RBFOX1: variants seen among roughly 807,000 people sequenced by gnomAD.
RBFOX1 encodes RNA binding fox-1 homolog 1, also known as RNA binding protein fox-1 homolog 1.
RBFOX1 carries 8 observed loss-of-function variants against 57.7 expected under a neutral mutation model. The observed-to-expected ratio is 0.14, with a 90% CI of 0.08 to 0.25. RBFOX1 has a LOEUF of 0.25. RBFOX1 is among the 10% of genes least tolerant of loss of function. The pLI is 1.00. For missense variants in RBFOX1, 611 were observed against 548.5 expected, an observed-to-expected ratio of 1.11 and a Z score of -1.14; for synonymous variants, 326 against 222.4, an observed-to-expected ratio of 1.47 and a Z score of -4.15.
chr16:6,902,830 T>A (rs918098259), intron 3 of RBFOX1, among the ~76,000 whole-genome samples: 1 of 152,206 alleles, frequency 6.6e-6, no homozygotes, highest in African/African-American at 2.4e-5. Context: ...GATTGTACAC[T>A]GTTTTCCATC....
intron 4 of RBFOX1, among the ~76,000 whole-genome samples, chr16:7,212,197 G>A (rs941572330): frequency 6.6e-6 from 1 of 152,182 alleles, no homozygotes; most frequent in Non-Finnish European, 1.5e-5. Context: ...GAGTGACATA[G>A]GTCTTTTAGG....
chr16:6,869,182 G>A (rs7187960), intron 3 of RBFOX1, among the ~76,000 whole-genome samples: 1 of 152,084 alleles, frequency 6.6e-6, no homozygotes, highest in Non-Finnish European at 1.5e-5. Flanking sequence ...TGCTTTGCAC[G>A]CTCATCTCTT....
intron 2 of RBFOX1, among the ~76,000 whole-genome samples, chr16:6,643,174 G>A (rs542840501): frequency 3.3e-5 from 5 of 152,314 alleles, no homozygotes; most frequent in South Asian, 2.1e-4. Context: ...TGAAGGCACA[G>A]AAAGATTGAG....
At chr16:7,547,417 T>C (rs1188451172) in intron 5 of RBFOX1, among the ~76,000 whole-genome samples, 1 of 152,164 alleles carries the variant, frequency 6.6e-6, no homozygotes, top group Non-Finnish European at 1.5e-5. Context: ...TGCCTTCTGT[T>C]ATATGCCAAA....
At chr16:5,942,002 A>T (rs1261302096) in intron 4 of RBFOX1, among the ~76,000 whole-genome samples, 4 of 151,736 alleles carry the variant, frequency 2.6e-5, no homozygotes, top group Admixed American at 6.6e-5. Context: ...ACCTGAGTGG[A>T]GGAATAACAG....
At chr16:6,165,780 A>G (rs2096912680) in intron 1 of RBFOX1, among the ~76,000 whole-genome samples, 1 of 152,106 alleles carries the variant, frequency 6.6e-6, no homozygotes, top group East Asian at 1.9e-4. Context: ...AACAATTGCT[A>G]AGGGTTATTT....
intron 3 of RBFOX1, among the ~76,000 whole-genome samples, chr16:6,902,084 A>T (rs550356973): frequency 6.6e-6 from 1 of 152,180 alleles, no homozygotes; most frequent in African/African-American, 2.4e-5. Context: ...ATGTCGGCAT[A>T]TATTTGTCTA....
chr16:6,539,431 T>C (rs1180867001), intron 2 of RBFOX1, among the ~76,000 whole-genome samples: 5 of 152,176 alleles, frequency 3.3e-5, no homozygotes, highest in African/African-American at 1.2e-4. Flanking sequence ...TGTATTATTA[T>C]CATGGTTACT....
chr16:6,871,045 G>A (rs574865422), intron 3 of RBFOX1, among the ~76,000 whole-genome samples: 2 of 152,334 alleles, frequency 1.3e-5, no homozygotes, highest in Non-Finnish European at 2.9e-5. Flanking sequence ...AGTCATAAAT[G>A]CGTATAAAGT....
chr16:5,603,597 A>G (rs927636445), downstream of RBFOX1, among the ~76,000 whole-genome samples: 1 of 152,212 alleles, frequency 6.6e-6, no homozygotes, highest in Non-Finnish European at 1.5e-5. Flanking sequence ...TTGGAGACCA[A>G]TCTTTCTGCC....
Position 5,298,429 on chromosome 16 carries a change from C to A in RBFOX1, c.219+58324C>A, listed in dbSNP as rs186083057. Among the ~76,000 whole-genome samples the A allele has an allele frequency of 9.4e-3, 1,201 of 127,330 alleles. 18 individuals are homozygous for A. Among genetic ancestry groups the A allele is most frequent in the African/African-American group, 0.036 (1,144 of 31,994 alleles). 83.5% of individuals were successfully genotyped at this position (127,330 alleles called of 152,430 possible). A position where few individuals can be genotyped will look rare whatever the true frequency, so the allele number is the denominator to read the frequency against. On this transcript the variant is annotated intron_variant, in intron 1 of 2. Transcript: ENST00000585867. Reference sequence around the variant, plus strand: ...AGCGCTCCAAAATAAACATCTCTCTCCCCTTCCCTCCCCTCCCCTCCCCTC... The same window carrying A: ...AGCGCTCCAAAATAAACATCTCTCTACCCTTCCCTCCCCTCCCCTCCCCTC...
intron 4 of RBFOX1, among the ~76,000 whole-genome samples, chr16:7,300,435 G>A (rs980406202): frequency 3.3e-5 from 5 of 152,188 alleles, no homozygotes; most frequent in African/African-American, 9.7e-5. Flanking sequence ...CTTTAATGAA[G>A]ATGGAGACTA....
At chr16:7,528,908 G>A (rs2079309480) in intron 5 of RBFOX1, among the ~76,000 whole-genome samples, 1 of 152,170 alleles carries the variant, frequency 6.6e-6, no homozygotes, top group Non-Finnish European at 1.5e-5. Context: ...GAGCCAAAGA[G>A]TTCATCTACG....
At chr16:7,141,673 C>G (rs778441162) in intron 4 of RBFOX1, among the ~76,000 whole-genome samples, 45 of 152,274 alleles carry the variant, frequency 3.0e-4, no homozygotes, top group Non-Finnish European at 4.4e-4. Flanking sequence ...TTAGTGTTTA[C>G]AAGGGATGAG....
At chr16:6,185,008 G>A (rs1240599186) in intron 1 of RBFOX1, among the ~76,000 whole-genome samples, 1 of 152,206 alleles carries the variant, frequency 6.6e-6, no homozygotes. Context: ...AATTCGGCAT[G>A]AGGTGCCCAT....
chr16:6,086,422 A>C (rs1246046251), intron 1 of RBFOX1, among the ~76,000 whole-genome samples: 1 of 152,154 alleles, frequency 6.6e-6, no homozygotes, highest in Non-Finnish European at 1.5e-5. Context: ...TCAGTTCTGC[A>C]GAGCAGTCGG....
At chr16:7,589,468 A>C (rs1323278116) in intron 7 of RBFOX1, among the ~76,000 whole-genome samples, 1 of 151,934 alleles carries the variant, frequency 6.6e-6, no homozygotes, top group Non-Finnish European at 1.5e-5. Context: ...AGTTTGCTGC[A>C]TCCAGAGCCT....
At chr16:6,960,817 G>A (rs2082809153) in intron 3 of RBFOX1, among the ~76,000 whole-genome samples, 1 of 151,870 alleles carries the variant, frequency 6.6e-6, no homozygotes. Flanking sequence ...TTGGGTACCT[G>A]ACCCAAACAA....
chr16:7,397,912 T>G (rs1464056744), intron 4 of RBFOX1, among the ~76,000 whole-genome samples: 1 of 152,162 alleles, frequency 6.6e-6, no homozygotes. Context: ...ACCTGATTTT[T>G]TAGGCCCTAC....
Sources: gnomAD v4.1 joint callset for allele counts (sites outside exome capture counted in the v4.1 genomes callset) on GRCh38, gnomAD v4.1.1 for gene constraint, MANE v1.5 for transcripts, NCBI Gene and HGNC (gene_info 2026-07-23, HGNC 2026-07-21) for gene names.